The following TOP1MT variants were observed in gnomAD, a reference collection of about 807,000 sequenced individuals.
TOP1MT encodes the protein DNA topoisomerase I, mitochondrial.
A neutral mutation model predicts 73.9 loss-of-function variants in TOP1MT; 80 were observed. The observed-to-expected ratio is 1.08, with a 90% CI of 0.90 to 1.30. TOP1MT has a LOEUF of 1.30. TOP1MT is among the 50% of genes most tolerant of loss of function. The pLI, the probability that TOP1MT is intolerant of heterozygous loss-of-function variation, is 0.00. For missense variants in TOP1MT, 815 were observed against 808.0 expected, an observed-to-expected ratio of 1.01 and a Z score of -0.10; for synonymous variants, 338 against 326.4, an observed-to-expected ratio of 1.04 and a Z score of -0.38.
chr8:143,320,263 G>T (rs995167406), intron 8 of TOP1MT, among the ~76,000 whole-genome samples: 2 of 151,984 alleles, frequency 1.3e-5, no homozygotes, highest in African/African-American at 4.8e-5. Flanking sequence ...CAAGTAGCTG[G>T]GACTATAGGC....
At chr8:143,354,820 C>G (rs1835294705) in intron 1 of TOP1MT, among the ~76,000 whole-genome samples, 1 of 151,936 alleles carries the variant, frequency 6.6e-6, no homozygotes, top group Non-Finnish European at 1.5e-5. Flanking sequence ...AGGTCCAGAG[C>G]AAGTCCGGGG....
At chr8:143,353,523 G>A (rs1817354639) in intron 1 of TOP1MT, among the ~76,000 whole-genome samples, 1 of 152,062 alleles carries the variant, frequency 6.6e-6, no homozygotes, top group African/African-American at 2.4e-5. Flanking sequence ...CTAATCACTA[G>A]GGAAATGCAA....
At chr8:143,337,143 T>A (rs1259068198), upstream of TOP1MT, among the ~76,000 whole-genome samples, 3 of 152,184 alleles carry the variant, frequency 2.0e-5, no homozygotes, top group Admixed American at 1.3e-4. Flanking sequence ...TAAGACAGCA[T>A]TGGCCAGGTG....
At chr8:143,357,940 T>G (rs1817439549), upstream of TOP1MT, among the ~76,000 whole-genome samples, 3 of 150,496 alleles carry the variant, frequency 2.0e-5, no homozygotes, top group Admixed American at 1.3e-4. Context: ...AAAAAAAAAT[T>G]AGCTGGGCAT....
intron 10 of TOP1MT, among the ~76,000 whole-genome samples, chr8:143,317,437 G>A (rs889310071): frequency 6.6e-6 from 1 of 152,244 alleles, no homozygotes; most frequent in Non-Finnish European, 1.5e-5. Context: ...AGGAGGAGCT[G>A]AGGAACACCA....
chr8:143,324,164 A>G (rs1204634894), intron 6 of TOP1MT, 22 bp from the exon 7 acceptor site: 2 of 1,611,464 alleles, frequency 1.2e-6, no homozygotes, highest in Non-Finnish European at 1.7e-6. Flanking sequence ...AAATAACAGG[A>G]AAGAAAACAT....
intron 7 of TOP1MT, among the ~76,000 whole-genome samples, chr8:143,322,743 A>C (rs1586760547): frequency 7.4e-5 from 1 of 13,482 alleles, no homozygotes; most frequent in Non-Finnish European, 1.2e-4. Flanking sequence ...CACACGCCAC[A>C]CACGCACGCA....
chr8:143,329,691 A>T (rs972024099), intron 2 of TOP1MT, among the ~76,000 whole-genome samples: 2 of 152,318 alleles, frequency 1.3e-5, no homozygotes, highest in East Asian at 1.9e-4. Flanking sequence ...GTCGTGAGAA[A>T]GCTGCAGAAG....
intron 2 of TOP1MT, among the ~76,000 whole-genome samples, chr8:143,342,727 TAGAG>T (rs1317108191): frequency 8.4e-5 from 9 of 106,708 alleles, no homozygotes; most frequent in Non-Finnish European, 1.7e-4. Flanking sequence ...TTATTATTAT[TAGAG>T]ACAGAGTCTC....
chr8:143,357,508 TGTG>T (rs1817432070), upstream of TOP1MT, among the ~76,000 whole-genome samples: 2 of 151,262 alleles, frequency 1.3e-5, no homozygotes, highest in African/African-American at 4.9e-5. Context: ...TAAGGCCAGG[TGTG>T]GTGATTCACA....
chr8:143,310,959 CTT>C (rs36007345), intron 12 of TOP1MT, among the ~76,000 whole-genome samples: 5 of 128,102 alleles, frequency 3.9e-5, no homozygotes, highest in Middle Eastern at 7.8e-3. Context: ...TTTCTCTTGG[CTT>C]TTTTTTTTTT....
intron 1 of TOP1MT, among the ~76,000 whole-genome samples, 193 bp downstream of exon 1, chr8:143,334,547 G>A (rs1376670076): frequency 2.0e-5 from 3 of 152,242 alleles, no homozygotes; most frequent in African/African-American, 4.8e-5. Context: ...CAAGGGCGAC[G>A]TCATGGGGGG....
intron 10 of TOP1MT, among the ~76,000 whole-genome samples, chr8:143,317,373 G>A (rs1490187359): frequency 6.6e-6 from 1 of 152,198 alleles, no homozygotes; most frequent in Non-Finnish European, 1.5e-5. Flanking sequence ...GGGTGGGAGG[G>A]ACAGAACCAC....
At chr8:143,343,949 C>A (rs79314460) in intron 1 of TOP1MT, 7 of 152,618 alleles carry the variant, frequency 4.6e-5, no homozygotes, top group Non-Finnish European at 8.8e-5. Flanking sequence ...TCACAACACA[C>A]GCCCACATCC....
upstream of TOP1MT, chr8:143,359,522 A>C (rs1817467165): frequency 1.3e-6 from 1 of 774,672 alleles, no homozygotes; most frequent in South Asian, 5.9e-5. Flanking sequence ...GTCAGGAGCC[A>C]AGGGAGCGAT....
At chr8:143,318,186 C>T in intron 8 of TOP1MT, 100 bp from the exon 9 acceptor site, 2 of 1,093,872 alleles carry the variant, frequency 1.8e-6, no homozygotes, top group East Asian at 2.4e-5. Context: ...CGGGAGGCTT[C>T]CCTGAGGAAG....
Position 143,310,237 on chromosome 8 carries a change from C to T in TOP1MT, c.1554-20G>A, listed in dbSNP as rs1163760031. ...AGGACACTGGCAAGAGAAGAGGAGG[C>T]CGCGAGGCCCCGCGCTGGACTAGCG... On this transcript the variant is annotated intron_variant, in intron 12 of 13. Transcript: ENST00000329245. 3 of 1,484,020 alleles carry T rather than the reference C, an allele frequency of 2.0e-6. No homozygotes were observed. In the South Asian group the frequency reaches 4.0e-5, roughly 20 times the overall value. 91.9% of individuals were successfully genotyped at this position (1,484,020 alleles called of 1,614,324 possible). A position where few individuals can be genotyped will look rare whatever the true frequency, so the allele number is the denominator to read the frequency against.
At chr8:143,352,143 T>C (rs1817330060) in intron 1 of TOP1MT, among the ~76,000 whole-genome samples, 1 of 152,196 alleles carries the variant, frequency 6.6e-6, no homozygotes, top group South Asian at 2.1e-4. Flanking sequence ...GCAATCCCCA[T>C]CAAAATTCCA....
At chr8:143,335,008 G>T, upstream of TOP1MT, 1 of 855,852 alleles carries the variant, frequency 1.2e-6, no homozygotes, top group Non-Finnish European at 1.5e-6. Context: ...GCCTGCACGG[G>T]GCTGCGGCAG....
Sources: gnomAD v4.1 joint callset for allele counts (sites outside exome capture counted in the v4.1 genomes callset) on GRCh38, gnomAD v4.1.1 for gene constraint, MANE v1.5 for transcripts, NCBI Gene and HGNC (gene_info 2026-07-23, HGNC 2026-07-21) for gene names.